The following TNFRSF19 variants were observed in gnomAD, a reference collection of about 807,000 sequenced individuals.
TNFRSF19 encodes the protein tumor necrosis factor receptor superfamily member 19.
TNFRSF19 carries 27 observed loss-of-function variants against 46.4 expected under a neutral mutation model. The observed-to-expected ratio is 0.58, with a 90% CI of 0.43 to 0.80. TNFRSF19 has a LOEUF of 0.80. TNFRSF19 is among the 30% of genes least tolerant of loss of function. TNFRSF19 has a pLI of 0.00. For synonymous variants in TNFRSF19, 204 were observed against 205.0 expected (o/e 1.00, Z 0.04); for missense variants, 511 against 530.8 (o/e 0.96, Z 0.37).
chr13:23,608,205 TC>T (rs1246189389), intron 3 of TNFRSF19, among the ~76,000 whole-genome samples: 2 of 152,222 alleles, frequency 1.3e-5, no homozygotes, highest in African/African-American at 4.8e-5. Context: ...ACCCTTCTCT[TC>T]CTTGGCCACT....
At chr13:23,632,788 G>T (rs1474311274) in intron 5 of TNFRSF19, among the ~76,000 whole-genome samples, 2 of 152,092 alleles carry the variant, frequency 1.3e-5, no homozygotes, top group African/African-American at 4.8e-5. Flanking sequence ...TTTGTTGCAA[G>T]CATTACTGTA....
In TNFRSF19 at chr13:23,626,753, G is replaced by T. The variant is rs750816117; in HGVS notation, c.406G>T (p.Val136Leu). Reference protein sequence around the residue: ...KLVGFQDMECVPCGDPPPPYE... With the variant: ...KLVGFQDMECLPCGDPPPPYE... ...TGTCGGCTTTCAAGACATGGAGTGT[G>T]TGCCTTGTGGAGACCCTCCTCCTCC... The change falls in exon 5 of 10, where the codon GTG becomes TTG. Residue 136 changes from valine (V) to leucine (L), a missense_variant. Val to Leu is a conservative substitution (Grantham distance 32). Around this residue, in one of 3 missense-constraint regions of TNFRSF19, gnomAD observed 376 missense variants for 372.7 expected, o/e 1.01. Transcript: ENST00000248484. 2 of 1,614,204 alleles carry T rather than the reference G, an allele frequency of 1.2e-6. No individual in the cohort carries two copies. Among genetic ancestry groups the T allele is most frequent in the Non-Finnish European group, 1.7e-6 (2 of 1,180,030 alleles).
chr13:23,613,665 AC>A (rs1881055830), intron 3 of TNFRSF19, among the ~76,000 whole-genome samples: 1 of 152,144 alleles, frequency 6.6e-6, no homozygotes, highest in Admixed American at 6.5e-5. Context: ...GCTGTGGAGA[AC>A]CCTAGCTTGG....
At chr13:23,662,192 A>G (rs1884409582) in intron 7 of TNFRSF19, among the ~76,000 whole-genome samples, 1 of 152,144 alleles carries the variant, frequency 6.6e-6, no homozygotes, top group African/African-American at 2.4e-5. Context: ...TCTTTAGTCC[A>G]TCTGAGTTGA....
chr13:23,580,630 T>C (rs1878344350), intron 1 of TNFRSF19, among the ~76,000 whole-genome samples: 1 of 152,250 alleles, frequency 6.6e-6, no homozygotes, highest in Non-Finnish European at 1.5e-5. Flanking sequence ...CAGGCAGTGC[T>C]TATTATCTAA....
At chr13:23,580,849 G>C (rs1284187081) in intron 1 of TNFRSF19, among the ~76,000 whole-genome samples, 7 of 152,208 alleles carry the variant, frequency 4.6e-5, no homozygotes, top group Admixed American at 4.6e-4. Flanking sequence ...CATGAGCTCT[G>C]TTCTTTACTT....
chr13:23,622,060 CA>C (rs1447954792), intron 4 of TNFRSF19, among the ~76,000 whole-genome samples: 2 of 152,138 alleles, frequency 1.3e-5, no homozygotes, highest in Non-Finnish European at 2.9e-5. Context: ...ACGGGAGCCC[CA>C]CTCACCCTCC....
chr13:23,573,691 T>C (rs987661548), intron 1 of TNFRSF19, among the ~76,000 whole-genome samples: 21 of 152,200 alleles, frequency 1.4e-4, no homozygotes, highest in Non-Finnish European at 2.2e-4. Flanking sequence ...TGATATGATA[T>C]GTGTTTCATA....
chr13:23,638,936 G>C lies in TNFRSF19; in HGVS notation c.445+12144G>C, dbSNP rs115458742. ...GTAATTAATACACATGCACATCATA[G>C]AGTGGAAAACTCTTCATGTCTTTAT... On this transcript the variant is annotated intron_variant, in intron 5 of 9. Coordinates refer to ENST00000248484, the MANE Select transcript of TNFRSF19 (RefSeq NM_148957.4). 5.8e-3 allele frequency among the ~76,000 whole-genome samples: 877 copies of C among 152,274 alleles called. 10 individuals carry two copies. The highest frequency in any genetic ancestry group is 0.019 in the African/African-American group (799 of 41,542).
At chr13:23,582,477 C>T (rs2138153523) in intron 1 of TNFRSF19, among the ~76,000 whole-genome samples, 1 of 152,200 alleles carries the variant, frequency 6.6e-6, no homozygotes, top group Non-Finnish European at 1.5e-5. Context: ...ACATTGTATA[C>T]ATATATTAAA....
intron 5 of TNFRSF19, among the ~76,000 whole-genome samples, chr13:23,650,547 C>T (rs1270761083): frequency 6.6e-6 from 1 of 152,104 alleles, no homozygotes; most frequent in Non-Finnish European, 1.5e-5. Flanking sequence ...TAGGCAAATC[C>T]ATAGAGACAG....
chr13:23,591,728 C>CTTTTTTTTTTT (rs1238199379), intron 2 of TNFRSF19, among the ~76,000 whole-genome samples: 1 of 103,656 alleles, frequency 9.6e-6, no homozygotes. Context: ...TTCTTTCTTT[C>CTTTTTTTTTTT]TTTTTTTTTT....
At chr13:23,668,263 A>G (rs945652553) in intron 8 of TNFRSF19, among the ~76,000 whole-genome samples, 181 bp downstream of exon 8, 1 of 152,208 alleles carries the variant, frequency 6.6e-6, no homozygotes, top group Non-Finnish European at 1.5e-5. Context: ...GGTCACTCAT[A>G]TCCAGTGCAA....
At chr13:23,631,056 A>G (rs9510787) in intron 5 of TNFRSF19, among the ~76,000 whole-genome samples, 30,870 of 152,154 alleles carry the variant, frequency 0.2, 3,775 homozygotes, top group East Asian at 0.29. Context: ...AGAAGACAGC[A>G]AGCAGTTGTT....
chr13:23,624,401 G>A (rs1881859700), intron 4 of TNFRSF19, among the ~76,000 whole-genome samples: 1 of 151,598 alleles, frequency 6.6e-6, no homozygotes, highest in East Asian at 1.9e-4. Context: ...GGAAGTCACT[G>A]TATTATATAT....
chr13:23,656,970 A>AT (rs572254252), intron 5 of TNFRSF19, among the ~76,000 whole-genome samples: 6 of 151,714 alleles, frequency 4.0e-5, no homozygotes, highest in African/African-American at 7.3e-5. Flanking sequence ...CAGGGTTGTA[A>AT]TTTTTTTTAG....
chr13:23,603,346 A>G (rs1880296894), intron 3 of TNFRSF19, among the ~76,000 whole-genome samples: 1 of 152,074 alleles, frequency 6.6e-6, no homozygotes, highest in South Asian at 2.1e-4. Flanking sequence ...ATAACCTTCC[A>G]AAACAGAGAG....
chr13:23,655,556 G>A (rs766234601), intron 5 of TNFRSF19, among the ~76,000 whole-genome samples: 7 of 152,114 alleles, frequency 4.6e-5, no homozygotes, highest in Non-Finnish European at 1.0e-4. Flanking sequence ...ACTAGAATGG[G>A]GCATTTAGTC....
Position 23,674,069 on chromosome 13 carries a change from C to A in TNFRSF19, c.*689C>A, listed in dbSNP as rs2138429819. 1 of 152,254 alleles carries A rather than the reference C, an allele frequency of 6.6e-6. No individual in the cohort carries two copies. The highest frequency in any genetic ancestry group is 2.1e-4 in the South Asian group (1 of 4,822). 9.4% of individuals were successfully genotyped at this position (152,254 alleles called of 1,614,324 possible). On this transcript the variant is annotated 3_prime_UTR_variant, in exon 10 of 10. Coordinates refer to ENST00000248484, the MANE Select transcript of TNFRSF19 (RefSeq NM_148957.4). ...CGGTCTCATGAACACCCGCTGATCTCAGGAGAACACCTGGGCTAGGGAATG... is the reference window on the plus strand; with the variant it reads ...CGGTCTCATGAACACCCGCTGATCTAAGGAGAACACCTGGGCTAGGGAATG...
Sources: gnomAD v4.1 joint callset for allele counts (sites outside exome capture counted in the v4.1 genomes callset) on GRCh38, gnomAD v4.1.1 for gene constraint, gnomAD v4.1.1 regional missense constraint, MANE v1.5 for transcripts, NCBI Gene and HGNC (gene_info 2026-07-23, HGNC 2026-07-21) for gene names.